Variants in WDR72 observed in about 807,000 individuals in gnomAD.
The protein encoded by WDR72 is WD repeat-containing protein 72.
Under a neutral mutation model 124.2 loss-of-function variants are expected in WDR72, and 120 were observed. The ratio of observed to expected loss-of-function variants is 0.97; its 90% CI spans 0.83 to 1.12. The LOEUF (loss-of-function observed/expected upper bound fraction) is 1.12. Ranked by LOEUF, WDR72 falls within the 50% of genes most tolerant of loss-of-function variation. The pLI is 0.00. For missense variants in WDR72, 1,387 were observed against 1,278.8 expected (o/e 1.08, Z -1.29); for synonymous variants, 452 against 441.7 (o/e 1.02, Z -0.29).
At chr15:53,717,771 G>T (rs898465014) in intron 3 of WDR72, among the ~76,000 whole-genome samples, 6 of 152,062 alleles carry the variant, frequency 3.9e-5, no homozygotes, top group African/African-American at 9.7e-5. Flanking sequence ...TAGTACTGAG[G>T]TTGAGAAATA....
chr15:53,622,539 C>T (rs1033688238), intron 14 of WDR72, among the ~76,000 whole-genome samples: 3 of 152,140 alleles, frequency 2.0e-5, no homozygotes, highest in Middle Eastern at 3.4e-3. Context: ...AAAACAAACA[C>T]CCCATGTCCT....
At chr15:53,700,006 C>T (rs2017122557) in intron 12 of WDR72, 61 bp from the exon 13 acceptor site, 1 of 1,602,624 alleles carries the variant, frequency 6.2e-7, no homozygotes, top group African/African-American at 1.3e-5. Context: ...ATGAGTAAGT[C>T]AGATTTTTTT....
chr15:53,707,823 A>G (rs1246534048), intron 9 of WDR72, among the ~76,000 whole-genome samples: 1 of 152,138 alleles, frequency 6.6e-6, no homozygotes, highest in East Asian at 1.9e-4. Context: ...AATGGTGTTG[A>G]TAACATTTGG....
intron 14 of WDR72, among the ~76,000 whole-genome samples, chr15:53,648,678 G>A (rs2015127897): frequency 6.6e-6 from 1 of 151,832 alleles, no homozygotes; most frequent in South Asian, 2.1e-4. Flanking sequence ...ATATTTGTGT[G>A]GCCACCAGAT....
At chr15:53,652,795 G>C (rs1430916163) in intron 14 of WDR72, among the ~76,000 whole-genome samples, 1 of 152,142 alleles carries the variant, frequency 6.6e-6, no homozygotes, top group South Asian at 2.1e-4. Context: ...TAACCACATT[G>C]CCTCTTAATC....
rs149142838 is a variant in WDR72 at position 53,754,073 on chromosome 15, C to G, written c.-13+5560G>C. Among the ~76,000 whole-genome samples, 29 of 152,040 alleles carry G rather than the reference C, an allele frequency of 1.9e-4. No homozygotes were observed. In the East Asian group the frequency reaches 5.0e-3, roughly 26 times the overall value. ...TTTCTTTAAAGAAAATGAAACAAAA[C>G]AAAACAAAACAAAACAAACACAACT... On this transcript the variant is annotated intron_variant, in intron 1 of 19. Coordinates refer to ENST00000360509, the MANE Select transcript of WDR72 (RefSeq NM_182758.4).
chr15:53,706,710 T>C (rs2017390487), intron 9 of WDR72, among the ~76,000 whole-genome samples: 1 of 152,022 alleles, frequency 6.6e-6, no homozygotes, highest in Non-Finnish European at 1.5e-5. Context: ...GTTATTAATA[T>C]GTTTTCTACA....
At chr15:53,656,223 T>C (rs1041990104) in intron 14 of WDR72, among the ~76,000 whole-genome samples, 1 of 152,230 alleles carries the variant, frequency 6.6e-6, no homozygotes, top group Non-Finnish European at 1.5e-5. Context: ...TTAAAGCTGT[T>C]TGCAGAATTA....
chr15:53,619,525 G>C (rs1172191679), intron 14 of WDR72, among the ~76,000 whole-genome samples: 3 of 151,938 alleles, frequency 2.0e-5, no homozygotes, highest in Non-Finnish European at 4.4e-5. Context: ...ATCTAGGGCT[G>C]AGACCAACAA....
At chr15:53,557,462 C>T (rs556718210) in intron 18 of WDR72, among the ~76,000 whole-genome samples, 81 of 152,116 alleles carry the variant, frequency 5.3e-4, no homozygotes, top group Non-Finnish European at 9.4e-4. Context: ...ACACCACATT[C>T]AAAAAGATTA....
intron 14 of WDR72, among the ~76,000 whole-genome samples, chr15:53,629,015 T>C (rs1189516812): frequency 1.3e-5 from 2 of 152,070 alleles, no homozygotes; most frequent in Non-Finnish European, 2.9e-5. Context: ...GTGGACAACC[T>C]AGAAAAATCC....
intron 11 of WDR72, 61 bp downstream of exon 11, chr15:53,704,926 AG>A (rs2017303146): frequency 6.3e-7 from 1 of 1,589,746 alleles, no homozygotes; most frequent in Admixed American, 1.7e-5. Flanking sequence ...TGTTTAGTGC[AG>A]TCTGTTGAAA....
intron 13 of WDR72, among the ~76,000 whole-genome samples, chr15:53,676,264 T>C (rs1271542127): frequency 6.6e-6 from 1 of 152,126 alleles, no homozygotes. Context: ...TGTGATTCCC[T>C]CCCCTTTGAA....
At chr15:53,640,287 T>A (rs1201283942) in intron 14 of WDR72, among the ~76,000 whole-genome samples, 1 of 152,134 alleles carries the variant, frequency 6.6e-6, no homozygotes, top group Non-Finnish European at 1.5e-5. Context: ...GTCAACTTGT[T>A]CTATAACAGA....
intron 13 of WDR72, among the ~76,000 whole-genome samples, chr15:53,682,316 G>A (rs2016419092): frequency 6.6e-6 from 1 of 151,562 alleles, no homozygotes; most frequent in South Asian, 2.1e-4. Flanking sequence ...GGCCTGTGGG[G>A]TGGGAGGATG....
At chr15:53,658,792 A>G (rs2015513926) in intron 14 of WDR72, among the ~76,000 whole-genome samples, 1 of 152,200 alleles carries the variant, frequency 6.6e-6, no homozygotes, top group Admixed American at 6.6e-5. Flanking sequence ...CTTTATCACA[A>G]GTCTTAATTT....
intron 18 of WDR72, among the ~76,000 whole-genome samples, chr15:53,594,431 A>G (rs2012664841): frequency 6.6e-6 from 1 of 152,172 alleles, no homozygotes; most frequent in East Asian, 1.9e-4. Flanking sequence ...ATATGTTGCA[A>G]TGATTAGGCT....
chr15:53,652,177 C>A (rs538896701), intron 14 of WDR72: 1 of 152,296 alleles, frequency 6.6e-6, no homozygotes, highest in African/African-American at 2.4e-5. Flanking sequence ...ACCAGAACCA[C>A]CCATGTGGAA....
intron 17 of WDR72, among the ~76,000 whole-genome samples, chr15:53,605,850 A>T (rs4776163): frequency 0.31 from 46,640 of 152,048 alleles, 7,365 homozygotes; most frequent in Admixed American, 0.4. Context: ...AAAAAAAAAG[A>T]TAATAATAAT....
Sources: gnomAD v4.1 joint callset for allele counts (sites outside exome capture counted in the v4.1 genomes callset) on GRCh38, gnomAD v4.1.1 for gene constraint, MANE v1.5 for transcripts, NCBI Gene and HGNC (gene_info 2026-07-23, HGNC 2026-07-21) for gene names.